Variants in KCNQ1 observed in about 807,000 individuals in gnomAD.
The protein encoded by KCNQ1 is potassium voltage-gated channel subfamily KQT member 1.
In KCNQ1, 49 loss-of-function variants were observed where a neutral mutation model predicts 72.4. The observed-to-expected ratio is 0.68, with a 90% CI of 0.54 to 0.86. KCNQ1 has a LOEUF of 0.86. Among genes scored for constraint, KCNQ1 ranks in the 40% least tolerant of loss-of-function variants. The probability of loss-of-function intolerance (pLI) is 0.00; values close to 1 mark genes in which losing one functional copy is unlikely to be tolerated. For synonymous variants in KCNQ1, 450 were observed against 412.6 expected, an observed-to-expected ratio of 1.09 and a Z score of -1.10; for missense variants, 790 against 945.1, an observed-to-expected ratio of 0.84 and a Z score of 2.15.
chr11:2,676,687 T>C lies in KCNQ1; in HGVS notation c.1514+14606T>C. ...TGAGTATTTCCAAGGGAGCACTAACTGGACTACAGCCTGGCAGGAGATAAC... is the reference window on the plus strand; with the variant it reads ...TGAGTATTTCCAAGGGAGCACTAACCGGACTACAGCCTGGCAGGAGATAAC... On this transcript the variant is annotated intron_variant, in intron 11 of 15. Transcript: ENST00000155840. This position sits in a 1 kb window ranked among gnomAD's most constrained non-coding sequence, Gnocchi z 4.2. The C allele has an allele frequency of 2.5e-6, 1 of 398,670 alleles. No homozygotes were observed. Among genetic ancestry groups the C allele is most frequent in the Non-Finnish European group, 4.4e-6 (1 of 226,078 alleles). 24.7% of individuals were successfully genotyped at this position (398,670 alleles called of 1,614,324 possible).
Position 2,570,670 on chromosome 11 carries a change from C to T in KCNQ1, c.520C>T (p.Arg174Cys), listed in dbSNP as rs199472696. 3.1e-6 allele frequency: 5 copies of T among 1,612,454 alleles called. No homozygotes were observed. The highest frequency in any genetic ancestry group is 3.3e-5 in the Admixed American group (2 of 60,000). The part of the protein sequence containing the change: ...VVFFGTEYVV[R>C]LWSAGCRSKY... ...GTTCTTCGGGACGGAGTACGTGGTC[C>T]GCCTCTGGTCCGCCGGCTGCCGCAG... The change falls in exon 3 of 16, where the codon CGC becomes TGC. Residue 174 changes from arginine (R) to cysteine (C), a missense_variant. Arg to Cys is a radical substitution (Grantham distance 180, BLOSUM62 -3). Coordinates refer to ENST00000155840, the MANE Select transcript of KCNQ1 (RefSeq NM_000218.3).
chr11:2,649,608 C>G (rs1849726744), intron 10 of KCNQ1: 11 of 398,470 alleles, frequency 2.8e-5, no homozygotes, highest in Non-Finnish European at 4.9e-5. Context: ...CCCCACCTTG[C>G]AGCACTTTTA....
intron 10 of KCNQ1, chr11:2,656,129 A>G (rs910475124): frequency 2.5e-6 from 1 of 398,552 alleles, no homozygotes; most frequent in Admixed American, 4.4e-5. Context: ...CCTGTGCTCC[A>G]TCGTTCCTTC....
In KCNQ1 at chr11:2,665,210, C is replaced by G. The variant is rs1850044192; in HGVS notation, c.1514+3129C>G. ...CTCGAACACACCTTTCAGGCAGAAG[C>G]TGTCTTCCTAGGTTGAATGGGGCAC... On this transcript the variant is annotated intron_variant, in intron 11 of 15. Transcript: ENST00000155840. 1.0e-5 allele frequency: 4 copies of G among 398,544 alleles called. No individual in the cohort carries two copies. In the South Asian group the frequency reaches 5.1e-4, roughly 51 times the overall value. 24.7% of individuals were successfully genotyped at this position (398,544 alleles called of 1,614,324 possible).
At position 2,463,805 on chromosome 11, in the gene KCNQ1, G is replaced by A. The variant is rs575614247; in HGVS notation, c.386+18321G>A. On this transcript the variant is annotated intron_variant, in intron 1 of 15. Coordinates refer to ENST00000155840, the MANE Select transcript of KCNQ1 (RefSeq NM_000218.3). This position sits in a 1 kb window ranked among gnomAD's most constrained non-coding sequence, Gnocchi z 7.0. ...CTGCGAGGGGGTCAGCCCTGAAGCC[G>A]GATGGCCCGGCCCCCGCTACCACGT... Among the ~76,000 whole-genome samples the A allele has an allele frequency of 3.0e-4, 45 of 152,338 alleles. No homozygotes were observed. Among genetic ancestry groups the A allele is most frequent in the South Asian group, 1.0e-3 (5 of 4,830 alleles).
chr11:2,828,050 C>T lies in KCNQ1; in HGVS notation c.1795-19717C>T, dbSNP rs1007278111. Reference sequence around the variant, plus strand: ...AGAGGGAACACTACCTGCAAAGGGGCGAGGGCAGGACAAAGGCTGGCAGCA... The same window carrying T: ...AGAGGGAACACTACCTGCAAAGGGGTGAGGGCAGGACAAAGGCTGGCAGCA... On this transcript the variant is annotated intron_variant, in intron 15 of 15. Transcript: ENST00000155840. The surrounding 1 kb of genome is among the most constrained non-coding windows in gnomAD (Gnocchi z 5.3). Among the ~76,000 whole-genome samples, 3 of 152,054 alleles carry T rather than the reference C, an allele frequency of 2.0e-5. No homozygotes were observed. The highest frequency in any genetic ancestry group is 1.9e-4 in the East Asian group (1 of 5,180).
In KCNQ1 at chr11:2,611,889, T is replaced by C; in HGVS notation, c.1393+23035T>C. On this transcript the variant is annotated intron_variant, in intron 10 of 15. Transcript: ENST00000155840. The surrounding 1 kb of genome is among the most constrained non-coding windows in gnomAD (Gnocchi z 5.3). ...TTTCCCCCATTTTTAAAGTGTAATC[T>C]GGAGGTTACAATAAGCAGCTTAAGC... 2.5e-6 allele frequency: 1 copy of C among 398,534 alleles called. No homozygotes were observed. Among genetic ancestry groups the C allele is most frequent in the Non-Finnish European group, 4.4e-6 (1 of 226,028 alleles). 24.7% of individuals were successfully genotyped at this position (398,534 alleles called of 1,614,324 possible).
Position 2,446,090 on chromosome 11 carries a change from CG to C in KCNQ1, c.386+607del, listed in dbSNP as rs901947994. Among the ~76,000 whole-genome samples, 2 of 152,320 alleles carry C rather than the reference CG, an allele frequency of 1.3e-5. No homozygotes were observed. Among genetic ancestry groups the C allele is most frequent in the East Asian group, 1.9e-4 (1 of 5,176 alleles). ...GCTTGATGCAGAGAGCGGAGAGGCA[CG>C]TTTGCAGCTCTCACTAAGAGGCAGC... On this transcript the variant is annotated intron_variant, in intron 1 of 15. Transcript: ENST00000155840. This position sits in a 1 kb window ranked among gnomAD's most constrained non-coding sequence, Gnocchi z 8.8.
intron 1 of KCNQ1, chr11:2,461,429 G>T (rs996392571): frequency 1.3e-5 from 17 of 1,281,618 alleles, no homozygotes; most frequent in Admixed American, 4.6e-5. Context: ...CGGGGCGGGG[G>T]TGGCCCCTCT....
Position 2,745,565 on chromosome 11 carries a change from G to A in KCNQ1, c.1515-23279G>A, listed in dbSNP as rs1053428496. Among the ~76,000 whole-genome samples the A allele has an allele frequency of 1.6e-4, 25 of 152,330 alleles. No individual in the cohort carries two copies. Among genetic ancestry groups the A allele is most frequent in the African/African-American group, 6.0e-4 (25 of 41,570 alleles). On this transcript the variant is annotated intron_variant, in intron 11 of 15. Transcript: ENST00000155840. This position sits in a 1 kb window ranked among gnomAD's most constrained non-coding sequence, Gnocchi z 6.2. Reference sequence around the variant, plus strand: ...GGATCGGTCCTATCAGGAGGAGTCAGCGTGACCACAGGCCCCCATTCCCCA... The same window carrying A: ...GGATCGGTCCTATCAGGAGGAGTCAACGTGACCACAGGCCCCCATTCCCCA...
chr11:2,449,837 C>T (rs1007737396), intron 1 of KCNQ1, among the ~76,000 whole-genome samples: 4 of 152,198 alleles, frequency 2.6e-5, no homozygotes, highest in Non-Finnish European at 5.9e-5. Context: ...CACTTGACGT[C>T]CTTGCCAGTG....
chr11:2,748,191 C>G lies in KCNQ1; in HGVS notation c.1515-20653C>G, dbSNP rs1846168711. ...GAAAGACCCCTACACAGACCCCCAG[C>G]TCTGCAGTCAGCCCTGTCTCCTTGT... On this transcript the variant is annotated intron_variant, in intron 11 of 15. Transcript: ENST00000155840. The surrounding 1 kb of genome is among the most constrained non-coding windows in gnomAD (Gnocchi z 6.2). 6.6e-6 allele frequency among the ~76,000 whole-genome samples: 1 copy of G among 152,172 alleles called. No homozygotes were observed. The highest frequency in any genetic ancestry group is 2.4e-5 in the African/African-American group (1 of 41,424).
In KCNQ1 at chr11:2,497,516, G is replaced by A. The variant is rs1317982340; in HGVS notation, c.387-30412G>A. On this transcript the variant is annotated intron_variant, in intron 1 of 15. Coordinates refer to ENST00000155840, the MANE Select transcript of KCNQ1 (RefSeq NM_000218.3). The surrounding 1 kb of genome is among the most constrained non-coding windows in gnomAD (Gnocchi z 4.5). The stretch of plus-strand genomic sequence containing the variant: ...CTCATGCTGTGTTTTTCAGCTCCAT[G>A]AGGTCATTTATGTTCCTCTCTAAAC... 1.3e-5 allele frequency among the ~76,000 whole-genome samples: 2 copies of A among 152,128 alleles called. No homozygotes were observed. The highest frequency in any genetic ancestry group is 3.9e-4 in the East Asian group (2 of 5,184).
chr11:2,525,806 T>C (rs1034484827), intron 1 of KCNQ1, among the ~76,000 whole-genome samples: 14 of 152,058 alleles, frequency 9.2e-5, no homozygotes, highest in South Asian at 4.1e-4. Context: ...AGCAGCAGCA[T>C]TGGGGCTTAG....
rs1408466303 is a variant in KCNQ1, at chr11:2,629,578, T to G, written c.1394-32383T>G. ...ATCCAGTTTTCCTGGCACCATTTGT[T>G]GAAAAGAGAATCCATTTGCCATTGA... On this transcript the variant is annotated intron_variant, in intron 10 of 15. Transcript: ENST00000155840. The G allele has an allele frequency of 7.3e-5, 29 of 398,378 alleles. No homozygotes were observed. In the Admixed American group the frequency reaches 1.2e-3, roughly 17 times the overall value. 24.7% of individuals were successfully genotyped at this position (398,378 alleles called of 1,614,324 possible).
chr11:2,554,438 T>C (rs1589947388), intron 2 of KCNQ1, among the ~76,000 whole-genome samples: 2 of 152,340 alleles, frequency 1.3e-5, no homozygotes, highest in Admixed American at 1.3e-4. Context: ...AAGACCATGT[T>C]GTGCTGACAT....
chr11:2,785,397 G>A lies in KCNQ1; in HGVS notation c.1794+7360G>A, dbSNP rs754771532. On this transcript the variant is annotated intron_variant, in intron 15 of 15. Transcript: ENST00000155840. The surrounding 1 kb of genome is among the most constrained non-coding windows in gnomAD (Gnocchi z 4.4). Reference sequence around the variant, plus strand: ...GCTGGATTTGGTTTGCTAATATTTTGTTAAGAATGTTTGTGTCTTCAACCT... The same window carrying A: ...GCTGGATTTGGTTTGCTAATATTTTATTAAGAATGTTTGTGTCTTCAACCT... Among the ~76,000 whole-genome samples, 21 of 151,124 alleles carry A rather than the reference G, an allele frequency of 1.4e-4. No individual in the cohort carries two copies. Among genetic ancestry groups the A allele is most frequent in the Admixed American group, 1.4e-3 (21 of 15,206 alleles).
rs188675475 is a variant in KCNQ1 at position 2,817,207 on chromosome 11, C to T, written c.1795-30560C>T. 2.6e-5 allele frequency among the ~76,000 whole-genome samples: 4 copies of T among 152,380 alleles called. No individual in the cohort carries two copies. The highest frequency in any genetic ancestry group is 3.9e-4 in the East Asian group (2 of 5,182). ...GTGCAAGCTCCTCACGGCACCAGTG[C>T]GCTTGCCTTTGACATGAAAATGTTT... On this transcript the variant is annotated intron_variant, in intron 15 of 15. Coordinates refer to ENST00000155840, the MANE Select transcript of KCNQ1 (RefSeq NM_000218.3). The surrounding 1 kb of genome is among the most constrained non-coding windows in gnomAD (Gnocchi z 6.1).
Position 2,673,918 on chromosome 11 carries a change from G to C in KCNQ1, c.1514+11837G>C, listed in dbSNP as rs1029271515. 1 of 370,678 alleles carries C rather than the reference G, an allele frequency of 2.7e-6. No individual in the cohort carries two copies. The highest frequency in any genetic ancestry group is 4.8e-6 in the Non-Finnish European group (1 of 209,156). 23.0% of individuals were successfully genotyped at this position (370,678 alleles called of 1,614,324 possible). A position where few individuals can be genotyped will look rare whatever the true frequency, so the allele number is the denominator to read the frequency against. On this transcript the variant is annotated intron_variant, in intron 11 of 15. Transcript: ENST00000155840. The surrounding 1 kb of genome is among the most constrained non-coding windows in gnomAD (Gnocchi z 4.5). Reference sequence around the variant, plus strand: ...TGGGAGCTCAGCTCACCGGGTGCTAGACAAGGGAGTGTGTCTCTTTCCCCA... The same window carrying C: ...TGGGAGCTCAGCTCACCGGGTGCTACACAAGGGAGTGTGTCTCTTTCCCCA...
Sources: allele counts gnomAD v4.1 joint callset (sites outside exome capture counted in the v4.1 genomes callset), GRCh38; gene constraint gnomAD v4.1.1; non-coding constraint Gnocchi (gnomAD v3.1); transcripts MANE v1.5; gene names NCBI Gene and HGNC (gene_info 2026-07-23, HGNC 2026-07-21).